Variants in CFDP1 observed in about 807,000 individuals in gnomAD.
CFDP1 encodes the protein chromatin remodeling protein CFDP1, also known as heterochromatin-stabilizing protein CFDP1.
CFDP1 carries 31 observed loss-of-function variants against 40.1 expected under a neutral mutation model. The ratio of observed to expected loss-of-function variants is 0.77; its 90% CI spans 0.58 to 1.04. CFDP1 has a LOEUF of 1.04. Among genes scored for constraint, CFDP1 ranks in the 50% least tolerant of loss-of-function variants. The probability of loss-of-function intolerance (pLI) is 0.00; values close to 1 mark genes in which losing one functional copy is unlikely to be tolerated. For missense variants in CFDP1, 423 were observed against 343.4 expected (o/e 1.23, Z -1.83); for synonymous variants, 167 against 120.0 (o/e 1.39, Z -2.56).
chr16:75,395,608 G>A (rs1020970469), intron 4 of CFDP1, among the ~76,000 whole-genome samples: 3 of 152,134 alleles, frequency 2.0e-5, no homozygotes, highest in Non-Finnish European at 4.4e-5. Context: ...GCAGTGAGCC[G>A]AGATCACGCC....
intron 5 of CFDP1, among the ~76,000 whole-genome samples, chr16:75,339,255 C>A (rs2151519510): frequency 6.6e-6 from 1 of 152,258 alleles, no homozygotes; most frequent in South Asian, 2.1e-4. Context: ...CACTTTCTTC[C>A]TTTAGTTGTA....
chr16:75,404,321 C>T (rs953678883), intron 4 of CFDP1, among the ~76,000 whole-genome samples: 4 of 149,934 alleles, frequency 2.7e-5, no homozygotes, highest in South Asian at 2.2e-4. Flanking sequence ...CTGCAAGCTC[C>T]GCCTCCCGGG....
chr16:75,324,472 T>G (rs1207884507), intron 5 of CFDP1, among the ~76,000 whole-genome samples: 1 of 152,162 alleles, frequency 6.6e-6, no homozygotes, highest in Non-Finnish European at 1.5e-5. Context: ...CTGGGCGCGG[T>G]GGCTCATGCC....
intron 5 of CFDP1, among the ~76,000 whole-genome samples, chr16:75,321,157 A>G (rs1431000975): frequency 1.3e-5 from 2 of 151,936 alleles, no homozygotes; most frequent in South Asian, 4.2e-4. Flanking sequence ...ACAAGACAAG[A>G]TCTCACTATG....
At chr16:75,409,462 A>C (rs1250456294) in intron 4 of CFDP1, 1 of 152,204 alleles carries the variant, frequency 6.6e-6, no homozygotes, top group African/African-American at 2.4e-5. Context: ...TATCTGTCGA[A>C]TCTTAGTAAA....
At chr16:75,431,737 G>C (rs1473630233) in intron 1 of CFDP1, among the ~76,000 whole-genome samples, 5 of 152,172 alleles carry the variant, frequency 3.3e-5, no homozygotes, top group South Asian at 4.1e-4. Flanking sequence ...GGAAGTGTTT[G>C]TGTGTGTGTT....
At chr16:75,327,471 G>A (rs920963278) in intron 5 of CFDP1, among the ~76,000 whole-genome samples, 1 of 138,852 alleles carries the variant, frequency 7.2e-6, no homozygotes, top group African/African-American at 3.4e-5. Flanking sequence ...GACAGAAGGT[G>A]AAGGATGGGA....
chr16:75,404,087 G>A (rs560420381), intron 4 of CFDP1, among the ~76,000 whole-genome samples: 17 of 151,312 alleles, frequency 1.1e-4, no homozygotes, highest in African/African-American at 3.1e-4. Flanking sequence ...AGCTGAGATC[G>A]CACCACTGCA....
At chr16:75,395,237 T>A (rs1250891831) in intron 4 of CFDP1, 28 bp from the exon 5 acceptor site, 2 of 1,609,780 alleles carry the variant, frequency 1.2e-6, no homozygotes, top group South Asian at 2.2e-5. Flanking sequence ...ACATCAAGCT[T>A]ACAAGAAGAA....
chr16:75,318,608 G>C (rs1384706320), intron 5 of CFDP1, among the ~76,000 whole-genome samples: 3 of 152,052 alleles, frequency 2.0e-5, no homozygotes, highest in Non-Finnish European at 1.5e-5. Context: ...GTTTCACCGT[G>C]TTAGCCAGGA....
In CFDP1 at chr16:75,307,619, T is replaced by C. The variant is rs541343706; in HGVS notation, c.651-2437A>G. Among the ~76,000 whole-genome samples the C allele has an allele frequency of 3.9e-5, 6 of 152,286 alleles. No homozygotes were observed. The South Asian group carries it at 1.2e-3, about 32-fold the overall frequency. On this transcript the variant is annotated intron_variant, in intron 5 of 6. Coordinates refer to ENST00000283882, the MANE Select transcript of CFDP1 (RefSeq NM_006324.3). ...TGTTACCCAGGCTAGAGTACACCAG[T>C]GAAACCACAGCTTACTACAGCCTCA...
chr16:75,382,274 T>A (rs1180440988), intron 5 of CFDP1, among the ~76,000 whole-genome samples: 2 of 152,200 alleles, frequency 1.3e-5, no homozygotes, highest in African/African-American at 2.4e-5. Context: ...TGATAAAATA[T>A]AAGGAAAATA....
At chr16:75,377,721 G>A (rs4993970) in intron 5 of CFDP1, among the ~76,000 whole-genome samples, 79,634 of 152,086 alleles carry the variant, frequency 0.52, 21,804 homozygotes, top group Admixed American at 0.64. Context: ...CCAACAGTTT[G>A]CTTCTCCACT....
intron 5 of CFDP1, among the ~76,000 whole-genome samples, chr16:75,369,097 C>T (rs918833456): frequency 6.6e-6 from 1 of 152,090 alleles, no homozygotes; most frequent in Non-Finnish European, 1.5e-5. Context: ...ATAGGCACAT[C>T]AGAAATGTAA....
chr16:75,431,622 G>A (rs1779424354), intron 1 of CFDP1, among the ~76,000 whole-genome samples: 1 of 152,080 alleles, frequency 6.6e-6, no homozygotes, highest in South Asian at 2.1e-4. Flanking sequence ...CTGAGCCACA[G>A]AGCGAGACAC....
intron 4 of CFDP1, among the ~76,000 whole-genome samples, chr16:75,411,137 G>C (rs2079158897): frequency 6.6e-6 from 1 of 152,042 alleles, no homozygotes; most frequent in South Asian, 2.1e-4. Flanking sequence ...AGAATCACTT[G>C]AACCTGGGAG....
intron 5 of CFDP1, among the ~76,000 whole-genome samples, chr16:75,335,434 C>T (rs993453231): frequency 6.6e-6 from 1 of 152,184 alleles, no homozygotes; most frequent in Non-Finnish European, 1.5e-5. Context: ...ACCACTGTTA[C>T]CAGTTTCTTA....
intron 5 of CFDP1, among the ~76,000 whole-genome samples, chr16:75,335,701 C>T (rs550513390): frequency 2.9e-4 from 44 of 152,108 alleles, no homozygotes; most frequent in Admixed American, 5.2e-4. Context: ...GGACTACAGG[C>T]GCCCGCCACC....
At position 75,293,775 on chromosome 16, in the gene CFDP1, AAAAGT is replaced by A. The variant is rs756097758; in HGVS notation, c.*172_*176del. On this transcript the variant is annotated 3_prime_UTR_variant, in exon 7 of 7. Coordinates refer to ENST00000283882, the MANE Select transcript of CFDP1 (RefSeq NM_006324.3). ...TTTATTCATTTAAGGACAAATTTTT[AAAAGT>A]AAAGTGAATGAAACCATTTGTGATT... 143 of 587,438 alleles carry A rather than the reference AAAAGT, an allele frequency of 2.4e-4. No homozygotes were observed. The highest frequency in any genetic ancestry group is 2.6e-4 in the Non-Finnish European group (88 of 334,340). The allele number at this position is 587,438 out of a possible 1,614,324, so 36.4% of individuals were successfully genotyped here.
Sources: allele counts gnomAD v4.1 joint callset (sites outside exome capture counted in the v4.1 genomes callset), GRCh38; gene constraint gnomAD v4.1.1; transcripts MANE v1.5; gene names NCBI Gene and HGNC (gene_info 2026-07-23, HGNC 2026-07-21).